KIAA1217: variants seen among roughly 807,000 people sequenced by gnomAD.
The protein encoded by KIAA1217 is KIAA1217, also known as sickle tail protein homolog.
KIAA1217 carries 88 observed loss-of-function variants against 163.9 expected under a neutral mutation model. The observed-to-expected ratio is 0.54, with a 90% CI of 0.45 to 0.64. The LOEUF is 0.64. KIAA1217 is among the 30% of genes least tolerant of loss of function. The probability of loss-of-function intolerance (pLI) is 0.00; values close to 1 mark genes in which losing one functional copy is unlikely to be tolerated. For missense variants in KIAA1217, 2,372 were observed against 2,475.0 expected, an observed-to-expected ratio of 0.96 and a Z score of 0.88; for synonymous variants, 903 against 923.1, an observed-to-expected ratio of 0.98 and a Z score of 0.39.
chr10:24,484,771 C>G (rs2133426297), intron 6 of KIAA1217, among the ~76,000 whole-genome samples: 1 of 152,234 alleles, frequency 6.6e-6, no homozygotes, highest in East Asian at 1.9e-4. Context: ...GCTATTAGAT[C>G]ACTTTGTGTA....
intron 2 of KIAA1217, among the ~76,000 whole-genome samples, chr10:24,377,564 T>A (rs964682706): frequency 2.0e-5 from 3 of 152,212 alleles, no homozygotes; most frequent in African/African-American, 7.2e-5. Flanking sequence ...TCCCCCTTTT[T>A]TGGTATTAAA....
chr10:24,309,614 T>C (rs138236433), intron 2 of KIAA1217, among the ~76,000 whole-genome samples: 1 of 152,278 alleles, frequency 6.6e-6, no homozygotes, highest in Non-Finnish European at 1.5e-5. Context: ...TACAAAATCA[T>C]CGTAGTCTTG....
chr10:23,886,278 T>C (rs1841171012), intron 1 of KIAA1217, among the ~76,000 whole-genome samples: 1 of 151,958 alleles, frequency 6.6e-6, no homozygotes, highest in Non-Finnish European at 1.5e-5. Flanking sequence ...CACATTTGGA[T>C]CAGAAAACAA....
chr10:24,011,137 A>C (rs947043041), intron 2 of KIAA1217, among the ~76,000 whole-genome samples: 2 of 152,106 alleles, frequency 1.3e-5, no homozygotes, highest in African/African-American at 4.8e-5. Flanking sequence ...GTAGTATTTC[A>C]TGAGTAGCAT....
In KIAA1217 at chr10:23,695,987, T is replaced by C. The variant is rs1205367934; in HGVS notation, c.-321+753T>C. 2.0e-5 allele frequency among the ~76,000 whole-genome samples: 3 copies of C among 152,142 alleles called. No homozygotes were observed. The highest frequency in any genetic ancestry group is 2.9e-5 in the Non-Finnish European group (2 of 68,018). ...TGGCTGCCCTCCCCGCTCGCCGCTC[T>C]CCCCGCGCCGCTGCGGGTCCTCCGA... is the stretch of plus-strand genomic sequence containing the variant. On this transcript the variant is annotated intron_variant, in intron 1 of 18. Coordinates refer to the KIAA1217 transcript ENST00000376462. The surrounding 1 kb of genome is among the most constrained non-coding windows in gnomAD (Gnocchi z 4.9).
rs1218694976 is a variant in KIAA1217, at chr10:23,860,841, CT to C, written c.-320-146377del. 3.3e-5 allele frequency among the ~76,000 whole-genome samples: 5 copies of C among 151,756 alleles called. No individual in the cohort carries two copies. The East Asian group carries it at 5.8e-4, about 18-fold the overall frequency. ...ACAGAGATCCTGACTCTTTATTTTT[CT>C]TTTTTTCTATTTTGTTTTCTCATCT... On this transcript the variant is annotated intron_variant, in intron 1 of 18. Transcript: ENST00000376462.
chr10:24,520,551 A>G (rs2070942172), intron 11 of KIAA1217, among the ~76,000 whole-genome samples: 1 of 148,532 alleles, frequency 6.7e-6, no homozygotes, highest in Non-Finnish European at 1.5e-5. Context: ...CCCGTTAAAA[A>G]CACAAGGTGG....
intron 1 of KIAA1217, among the ~76,000 whole-genome samples, chr10:23,723,948 C>G (rs984109945): frequency 6.6e-6 from 1 of 152,012 alleles, no homozygotes; most frequent in Admixed American, 6.6e-5. Context: ...TTGGGGAAGC[C>G]CCAGGAAGCT....
chr10:24,065,145 A>G (rs905653171), intron 2 of KIAA1217, among the ~76,000 whole-genome samples: 1 of 152,130 alleles, frequency 6.6e-6, no homozygotes, highest in African/African-American at 2.4e-5. Context: ...TATTTCCTTC[A>G]GTTCCGCTCT....
At chr10:24,073,815 G>T (rs2061273477) in intron 2 of KIAA1217, among the ~76,000 whole-genome samples, 1 of 152,192 alleles carries the variant, frequency 6.6e-6, no homozygotes, top group African/African-American at 2.4e-5. Flanking sequence ...TGACTAGAGT[G>T]CCACAGCACA....
chr10:24,313,693 C>T (rs1417668904), intron 2 of KIAA1217, among the ~76,000 whole-genome samples: 1 of 152,020 alleles, frequency 6.6e-6, no homozygotes, highest in Non-Finnish European at 1.5e-5. Context: ...TTATAGATTG[C>T]AGAAAGCTGG....
At chr10:24,035,514 G>T (rs1848354606) in intron 2 of KIAA1217, among the ~76,000 whole-genome samples, 1 of 152,146 alleles carries the variant, frequency 6.6e-6, no homozygotes, top group Non-Finnish European at 1.5e-5. Flanking sequence ...ACACCAATGT[G>T]CTGATACACT....
chr10:24,532,103 C>A, intron 15 of KIAA1217, 110 bp downstream of exon 15: 1 of 1,001,342 alleles, frequency 1.0e-6, no homozygotes, highest in Non-Finnish European at 1.3e-6. Flanking sequence ...AGTAGTAACT[C>A]GACCACACAA....
upstream of KIAA1217, among the ~76,000 whole-genome samples, chr10:24,207,266 T>G (rs1351848197): frequency 8.8e-6 from 1 of 113,724 alleles, no homozygotes; most frequent in African/African-American, 3.8e-5. Flanking sequence ...TGCTACAGTG[T>G]TTCTCTCTCT....
chr10:24,264,761 GTCTT>G (rs1208116678), intron 2 of KIAA1217, among the ~76,000 whole-genome samples: 6 of 104,686 alleles, frequency 5.7e-5, no homozygotes, highest in South Asian at 3.5e-4. Flanking sequence ...TGGTCGGTCG[GTCTT>G]TCTCTCTCTC....
chr10:23,739,343 G>A (rs529267744), intron 1 of KIAA1217, among the ~76,000 whole-genome samples: 56 of 152,260 alleles, frequency 3.7e-4, no homozygotes, highest in African/African-American at 1.3e-3. Flanking sequence ...TATGCAATAT[G>A]AGCATGTAAC....
chr10:24,301,139 G>A (rs2041273924), intron 2 of KIAA1217, among the ~76,000 whole-genome samples: 1 of 152,088 alleles, frequency 6.6e-6, no homozygotes, highest in East Asian at 1.9e-4. Context: ...TGCTACTTTT[G>A]AGCCCGGCAA....
At chr10:24,427,701 A>T (rs1015698201) in intron 3 of KIAA1217, among the ~76,000 whole-genome samples, 2 of 152,218 alleles carry the variant, frequency 1.3e-5, no homozygotes, top group African/African-American at 4.8e-5. Flanking sequence ...TTTGGGAGGC[A>T]GAGTCCCCTG....
intron 3 of KIAA1217, among the ~76,000 whole-genome samples, chr10:24,398,415 A>T (rs2056111695): frequency 1.3e-5 from 2 of 152,154 alleles, no homozygotes; most frequent in Non-Finnish European, 2.9e-5. Flanking sequence ...TATCCGACTT[A>T]TTGGTGGCAA....
Sources: allele counts gnomAD v4.1 joint callset (sites outside exome capture counted in the v4.1 genomes callset), GRCh38; gene constraint gnomAD v4.1.1; non-coding constraint Gnocchi (gnomAD v3.1); transcripts MANE v1.5; gene names NCBI Gene and HGNC (gene_info 2026-07-23, HGNC 2026-07-21).